The following KLF16 variants were observed in gnomAD, a reference collection of about 807,000 sequenced individuals.
KLF16 encodes the protein Krueppel-like factor 16.
A neutral mutation model predicts 6.1 loss-of-function variants in KLF16; 6 were observed. The observed-to-expected ratio is 0.98, with a 90% CI of 0.54 to 1.93. The LOEUF is 1.93. Ranked by LOEUF, KLF16 falls within the 30% of genes most tolerant of loss-of-function variation. KLF16 has a pLI of 0.01. For missense variants in KLF16, 355 were observed against 363.8 expected, an observed-to-expected ratio of 0.98 and a Z score of 0.20; for synonymous variants, 211 against 176.5, an observed-to-expected ratio of 1.20 and a Z score of -1.55.
At position 1,854,037 on chromosome 19, in the gene KLF16, G is replaced by T. The variant is rs373403636; in HGVS notation, c.*422C>A. The T allele has an allele frequency of 2.3e-5, 4 of 171,704 alleles. No individual in the cohort carries two copies. Among genetic ancestry groups the T allele is most frequent in the African/African-American group, 7.1e-5 (3 of 42,114 alleles). The allele number at this position is 171,704 out of a possible 1,614,324, so 10.6% of individuals were successfully genotyped here. On this transcript the variant is annotated 3_prime_UTR_variant, in exon 2 of 2. Transcript: ENST00000250916. ...CGTGTCAACCCCCGACTCCTCTATG[G>T]CTGTCTGAACACTTCATCCCAATCT...
At chr19:1,860,636 T>G (rs546719904) in intron 1 of KLF16, among the ~76,000 whole-genome samples, 2 of 152,100 alleles carry the variant, frequency 1.3e-5, no homozygotes, top group African/African-American at 4.8e-5. Flanking sequence ...CGGCCTCCAC[T>G]CCATTCAGGG....
At chr19:1,854,803 G>A (rs1387160669) in intron 1 of KLF16, 43 bp from the exon 2 acceptor site, 16 of 1,588,096 alleles carry the variant, frequency 1.0e-5, no homozygotes, top group East Asian at 9.0e-5. Context: ...AGCGGGGGCG[G>A]GGGGAGATGA....
the KLF16 span, among the ~76,000 whole-genome samples, chr19:1,872,423 G>A: frequency 1.3e-5 from 2 of 152,216 alleles, no homozygotes; most frequent in East Asian, 1.9e-4. Context: ...GAGCCACCGC[G>A]CCCAGCCTAG....
chr19:1,874,976 C>A, the KLF16 span: 2 of 152,162 alleles, frequency 1.3e-5, no homozygotes, highest in African/African-American at 2.4e-5. Context: ...ATAGATGTAA[C>A]AGGAACATCA....
upstream of KLF16, among the ~76,000 whole-genome samples, chr19:1,863,948 G>C (rs1464991872): frequency 7.7e-6 from 1 of 130,356 alleles, no homozygotes; most frequent in East Asian, 2.4e-4. Flanking sequence ...ACTCCAGCGC[G>C]CGCCCCCGTA....
chr19:1,864,140 G>A (rs1188235115), upstream of KLF16, among the ~76,000 whole-genome samples: 1 of 147,988 alleles, frequency 6.8e-6, no homozygotes, highest in African/African-American at 2.5e-5. Context: ...CGGCCGGCGG[G>A]AGCCCGCCCC....
chr19:1,872,785 A>G, the KLF16 span, among the ~76,000 whole-genome samples: 56 of 145,950 alleles, frequency 3.8e-4, no homozygotes, highest in Non-Finnish European at 7.2e-4. Flanking sequence ...AAGCAGGGAC[A>G]GTCACCCCAG....
At chr19:1,873,433 G>C in the KLF16 span, among the ~76,000 whole-genome samples, 1 of 152,166 alleles carries the variant, frequency 6.6e-6, no homozygotes, top group Admixed American at 6.5e-5. Flanking sequence ...GGGAGGGTCT[G>C]CCCTCCCCCC....
the KLF16 span, chr19:1,875,024 G>C: frequency 6.6e-6 from 1 of 152,162 alleles, no homozygotes; most frequent in Non-Finnish European, 1.5e-5. Flanking sequence ...ACAAGCTACA[G>C]TGAAATACTA....
the KLF16 span, chr19:1,875,113 G>C: frequency 2.0e-5 from 3 of 152,182 alleles, no homozygotes; most frequent in African/African-American, 4.8e-5. Context: ...GGGGGAGGGC[G>C]ATTTGGTACC....
intron 1 of KLF16, among the ~76,000 whole-genome samples, chr19:1,856,526 G>C (rs1208186185): frequency 2.8e-4 from 42 of 152,162 alleles, no homozygotes; most frequent in Admixed American, 2.7e-3. Flanking sequence ...AAATCCCTGG[G>C]GCTGCCTGCT....
intron 1 of KLF16, among the ~76,000 whole-genome samples, chr19:1,859,342 C>G (rs911859042): frequency 1.3e-5 from 2 of 152,096 alleles, no homozygotes; most frequent in African/African-American, 2.4e-5. Flanking sequence ...CTGCACACCT[C>G]GTCCTGAGGA....
At chr19:1,864,224 G>C (rs182970079), upstream of KLF16, among the ~76,000 whole-genome samples, 18 of 151,684 alleles carry the variant, frequency 1.2e-4, no homozygotes, top group Admixed American at 5.9e-4. Context: ...TCCCCACGTG[G>C]CCGGGGTTGG....
chr19:1,876,311 C>G, the KLF16 span: 1 of 152,478 alleles, frequency 6.6e-6, no homozygotes, highest in Admixed American at 6.5e-5. Flanking sequence ...CTTGGGATCC[C>G]GGCCTCGCCA....
At chr19:1,860,847 T>C (rs539994708) in intron 1 of KLF16, among the ~76,000 whole-genome samples, 1 of 152,206 alleles carries the variant, frequency 6.6e-6, no homozygotes, top group South Asian at 2.1e-4. Flanking sequence ...AAGCCACAAG[T>C]ATCCAAAACC....
At chr19:1,856,761 GC>G (rs1343627626) in intron 1 of KLF16, among the ~76,000 whole-genome samples, 1 of 152,234 alleles carries the variant, frequency 6.6e-6, no homozygotes, top group African/African-American at 2.4e-5. Context: ...TGGGGCTCGC[GC>G]CCCTCCAGGG....
upstream of KLF16, among the ~76,000 whole-genome samples, chr19:1,867,959 T>TGTGC (rs1555831993): frequency 1.0e-4 from 15 of 143,540 alleles, no homozygotes; most frequent in South Asian, 2.0e-3. Context: ...TGTGTGTGTG[T>TGTGC]GTGCGTGCGC....
Position 1,863,050 on chromosome 19 carries a change from T to C in KLF16, c.448A>G (p.Thr150Ala). ...KSSHLKSHLR[T>A]HTGERPFACD... ...TCGCGGCTGCACTCACCTGTGTGCGTCCGCAGGTGCGACTTTAGGTGCGAG... is the reference window on the plus strand; with the variant it reads ...TCGCGGCTGCACTCACCTGTGTGCGCCCGCAGGTGCGACTTTAGGTGCGAG... The change falls in exon 1 of 2, where the codon ACG becomes GCG. Residue 150 changes from threonine to alanine, a missense_variant. Coordinates refer to ENST00000250916, the MANE Select transcript of KLF16 (RefSeq NM_031918.4). The C allele has an allele frequency of 7.2e-7, 1 of 1,397,816 alleles. No individual in the cohort carries two copies. The highest frequency in any genetic ancestry group is 1.3e-5 in the South Asian group (1 of 76,172). The allele number at this position is 1,397,816 out of a possible 1,614,324, so 86.6% of individuals were successfully genotyped here.
Position 1,854,590 on chromosome 19 carries a change from G to A in KLF16, c.628C>T (p.Pro210Ser), listed in dbSNP as rs371308138. The A allele has an allele frequency of 6.3e-7, 1 of 1,592,078 alleles. No individual in the cohort carries two copies. Among genetic ancestry groups the A allele is most frequent in the Non-Finnish European group, 8.5e-7 (1 of 1,176,456 alleles). Residue 210 changes from proline (P) to serine (S), a missense_variant, in exon 2 of 2, where the codon CCC becomes TCC. Physicochemically the swap from Pro to Ser is moderately conservative, Grantham distance 74. Coordinates refer to ENST00000250916, the MANE Select transcript of KLF16 (RefSeq NM_031918.4). ...CGGAGCAGGTCCGGGTGGAAGCCGGGGTGGCGGCGGGCGTGCTTGGCCAGG... is the reference window on the plus strand; with the variant it reads ...CGGAGCAGGTCCGGGTGGAAGCCGGAGTGGCGGCGGGCGTGCTTGGCCAGG... Reference protein sequence around the residue: ...DHLAKHARRHPGFHPDLLRRP... With the variant: ...DHLAKHARRHSGFHPDLLRRP...
Sources: gnomAD v4.1 joint callset for allele counts (sites outside exome capture counted in the v4.1 genomes callset) on GRCh38, gnomAD v4.1.1 for gene constraint, MANE v1.5 for transcripts, NCBI Gene and HGNC (gene_info 2026-07-23, HGNC 2026-07-21) for gene names.